The following KLHL1 variants were observed in gnomAD, a reference collection of about 807,000 sequenced individuals.
KLHL1 encodes kelch like family member 1.
KLHL1 carries 47 observed loss-of-function variants against 77.7 expected under a neutral mutation model. That is an observed-to-expected ratio of 0.60 (90% CI 0.48 to 0.77). KLHL1 has a LOEUF of 0.77. KLHL1 is among the 30% of genes least tolerant of loss of function. The probability of loss-of-function intolerance (pLI) is 0.00; values close to 1 mark genes in which losing one functional copy is unlikely to be tolerated. For missense variants in KLHL1, 925 were observed against 910.8 expected, an observed-to-expected ratio of 1.02 and a Z score of -0.20; for synonymous variants, 360 against 325.2, an observed-to-expected ratio of 1.11 and a Z score of -1.15.
chr13:69,981,786 C>T (rs1884717633), intron 1 of KLHL1, among the ~76,000 whole-genome samples: 1 of 149,182 alleles, frequency 6.7e-6, no homozygotes, highest in Non-Finnish European at 1.5e-5. Flanking sequence ...CAAAAAGTGC[C>T]CAAAATAAAA....
At chr13:69,797,056 T>C in intron 6 of KLHL1, 94 bp from the exon 7 acceptor site, 1 of 968,536 alleles carries the variant, frequency 1.0e-6, no homozygotes, top group East Asian at 2.4e-5. Flanking sequence ...GAAAACACTC[T>C]TGTCATATTC....
chr13:70,086,694 T>C (rs1262776465), intron 1 of KLHL1, among the ~76,000 whole-genome samples: 1 of 148,428 alleles, frequency 6.7e-6, no homozygotes, highest in Non-Finnish European at 1.5e-5. Context: ...CAGCTCATGA[T>C]TGCCCTTTTC....
intron 6 of KLHL1, among the ~76,000 whole-genome samples, chr13:69,797,234 G>A (rs538780413): frequency 6.6e-6 from 1 of 152,272 alleles, no homozygotes; most frequent in South Asian, 2.1e-4. Flanking sequence ...AAACATTGGT[G>A]AGCATGACCC....
intron 3 of KLHL1, among the ~76,000 whole-genome samples, chr13:69,955,271 C>T (rs951188567): frequency 2.0e-5 from 3 of 151,174 alleles, no homozygotes; most frequent in Admixed American, 1.3e-4. Flanking sequence ...ACATCTCAGC[C>T]CCTATGTGTG....
chr13:70,098,211 T>C (rs1207548750), intron 1 of KLHL1, among the ~76,000 whole-genome samples: 2 of 149,738 alleles, frequency 1.3e-5, no homozygotes, highest in African/African-American at 4.8e-5. Flanking sequence ...TCTCAATAAA[T>C]ATTCAGGTGA....
intron 3 of KLHL1, among the ~76,000 whole-genome samples, chr13:69,960,535 T>C (rs1407928581): frequency 6.6e-6 from 1 of 152,094 alleles, no homozygotes; most frequent in African/African-American, 2.4e-5. Flanking sequence ...ACCCTGATAA[T>C]GCTCTGTGTG....
intron 4 of KLHL1, among the ~76,000 whole-genome samples, chr13:69,937,098 G>A (rs1012522382): frequency 6.6e-6 from 1 of 152,108 alleles, no homozygotes; most frequent in African/African-American, 2.4e-5. Context: ...CCCCCAAAAG[G>A]CAGAGCTGAC....
intron 1 of KLHL1, among the ~76,000 whole-genome samples, chr13:70,024,638 C>G (rs9599534): frequency 1.3e-5 from 1 of 77,212 alleles, no homozygotes; most frequent in Non-Finnish European, 3.9e-5. Context: ...CTCTCTCTCT[C>G]TCTCTCTCTC....
chr13:70,064,511 T>C (rs1886961571), intron 1 of KLHL1, among the ~76,000 whole-genome samples: 1 of 152,198 alleles, frequency 6.6e-6, no homozygotes, highest in Non-Finnish European at 1.5e-5. Context: ...CAAAAGCTGC[T>C]GCTTCACGTT....
At chr13:69,770,333 G>C (rs1875505180) in intron 7 of KLHL1, among the ~76,000 whole-genome samples, 1 of 152,214 alleles carries the variant, frequency 6.6e-6, no homozygotes, top group African/African-American at 2.4e-5. Flanking sequence ...AGCTGAGCAG[G>C]CATGAACAAA....
At chr13:70,003,535 C>A (rs894999185) in intron 1 of KLHL1, among the ~76,000 whole-genome samples, 1 of 151,622 alleles carries the variant, frequency 6.6e-6, no homozygotes, top group Non-Finnish European at 1.5e-5. Context: ...CACTGCCTCC[C>A]TTTAGAGATT....
intron 5 of KLHL1, among the ~76,000 whole-genome samples, chr13:69,853,044 C>T (rs950728781): frequency 6.6e-6 from 1 of 151,806 alleles, no homozygotes; most frequent in Non-Finnish European, 1.5e-5. Flanking sequence ...ACAGTTAAGC[C>T]GCAGTATATT....
At position 69,701,563 on chromosome 13, in the gene KLHL1, T is replaced by G. The variant is rs966689924; in HGVS notation, c.*139A>C. 4.7e-6 allele frequency: 3 copies of G among 637,092 alleles called. No individual in the cohort carries two copies. The highest frequency in any genetic ancestry group is 3.2e-5 in the Admixed American group (1 of 31,382). The allele number at this position is 637,092 out of a possible 1,614,324, so 39.5% of individuals were successfully genotyped here. ...CTACTATTCTGTTTGATCTACTAACTCTTTCAACATCAGTAGGTAACGCTA... is the reference window on the plus strand; with the variant it reads ...CTACTATTCTGTTTGATCTACTAACGCTTTCAACATCAGTAGGTAACGCTA... On this transcript the variant is annotated 3_prime_UTR_variant, in exon 11 of 11. Transcript: ENST00000377844.
rs58869900 is a variant in KLHL1 at position 69,884,938 on chromosome 13, T to TC, written c.1015-2444_1015-2443insG. Among the ~76,000 whole-genome samples, 54 of 128,020 alleles carry TC rather than the reference T, an allele frequency of 4.2e-4. 1 individual carries two copies. Among genetic ancestry groups the TC allele is most frequent in the Middle Eastern group, 7.6e-3 (2 of 264 alleles). The allele number at this position is 128,020 out of a possible 152,430, so 84.0% of individuals were successfully genotyped here. On this transcript the variant is annotated intron_variant, in intron 4 of 10. Coordinates refer to ENST00000377844, the MANE Select transcript of KLHL1 (RefSeq NM_020866.3). ...CACTACAGCACTTTTTCTTTTCTTT[T>TC]TTTTTTTTTTTTTGAGACGGAGTCT...
intron 5 of KLHL1, among the ~76,000 whole-genome samples, chr13:69,861,002 C>T (rs1880134321): frequency 6.6e-6 from 1 of 151,864 alleles, no homozygotes; most frequent in African/African-American, 2.4e-5. Context: ...TGACATTGTC[C>T]ATACGGTGAG....
At chr13:70,002,499 T>C (rs1885318023) in intron 1 of KLHL1, among the ~76,000 whole-genome samples, 1 of 151,360 alleles carries the variant, frequency 6.6e-6, no homozygotes, top group African/African-American at 2.4e-5. Flanking sequence ...GTCATTGTAG[T>C]CCCAGGAGGC....
chr13:69,766,903 C>A (rs1006169260), intron 7 of KLHL1, among the ~76,000 whole-genome samples: 2 of 152,134 alleles, frequency 1.3e-5, no homozygotes, highest in Non-Finnish European at 2.9e-5. Context: ...TTGATAGTAG[C>A]AATGTTAGTA....
intron 5 of KLHL1, among the ~76,000 whole-genome samples, chr13:69,852,837 A>T (rs77000301): frequency 0.044 from 6,689 of 152,102 alleles, 205 homozygotes; most frequent in African/African-American, 0.075. Context: ...GAGTTGTTCA[A>T]ACATCTTTAC....
intron 7 of KLHL1, among the ~76,000 whole-genome samples, chr13:69,791,720 GC>G (rs528326927): frequency 1.2e-3 from 177 of 152,238 alleles, no homozygotes; most frequent in Admixed American, 4.0e-3. Context: ...AGGACAGCAT[GC>G]AAAAGAATGA....
Sources: gnomAD v4.1 joint callset for allele counts (sites outside exome capture counted in the v4.1 genomes callset) on GRCh38, gnomAD v4.1.1 for gene constraint, MANE v1.5 for transcripts, NCBI Gene and HGNC (gene_info 2026-07-23, HGNC 2026-07-21) for gene names.